ELK3: variants seen among roughly 807,000 people sequenced by gnomAD.
ELK3 encodes the protein ETS domain-containing protein Elk-3.
In ELK3, 10 loss-of-function variants were observed where a neutral mutation model predicts 28.9. The ratio of observed to expected loss-of-function variants is 0.35; its 90% CI spans 0.21 to 0.59. The LOEUF (loss-of-function observed/expected upper bound fraction) is 0.59, where lower values mean the gene tolerates loss of function less well. Among genes scored for constraint, ELK3 ranks in the 20% least tolerant of loss-of-function variants. The pLI is 0.82. For missense variants in ELK3, 463 were observed against 517.3 expected, an observed-to-expected ratio of 0.90 and a Z score of 1.02; for synonymous variants, 272 against 243.5, an observed-to-expected ratio of 1.12 and a Z score of -1.09.
rs147387509 is a variant in ELK3, at chr12:96,237,206, C to T, written c.208-9734C>T. ...GGCAGGGACATTAAACTCACTGCAG[C>T]GGTGGGTGGGGGAAGATTGCCTTGG... On this transcript the variant is annotated intron_variant, in intron 2 of 4. Coordinates refer to ENST00000228741, the MANE Select transcript of ELK3 (RefSeq NM_005230.4). Among the ~76,000 whole-genome samples the T allele has an allele frequency of 5.2e-3, 795 of 152,284 alleles. 5 individuals are homozygous for T. The highest frequency in any genetic ancestry group is 0.01 in the Middle Eastern group (3 of 294).
intron 1 of ELK3, among the ~76,000 whole-genome samples, chr12:96,203,890 G>A (rs1592668573): frequency 1.3e-5 from 2 of 152,286 alleles, no homozygotes. Flanking sequence ...TCAGTGAGCC[G>A]AGATTGTGCC....
intron 1 of ELK3, among the ~76,000 whole-genome samples, chr12:96,214,382 G>T (rs1951596017): frequency 6.6e-6 from 1 of 150,996 alleles, no homozygotes; most frequent in African/African-American, 2.4e-5. Flanking sequence ...AGTGAACCGA[G>T]ATCACACCAC....
chr12:96,199,536 G>A (rs1353913881), intron 1 of ELK3, among the ~76,000 whole-genome samples: 2 of 150,658 alleles, frequency 1.3e-5, no homozygotes, highest in Non-Finnish European at 3.0e-5. Flanking sequence ...AATTCTAAAT[G>A]TCTTCAAAAA....
At position 96,268,390 on chromosome 12, in the gene ELK3, A is replaced by T. The variant is rs1042121390; in HGVS notation, c.*1210A>T. 1 of 152,176 alleles carries T rather than the reference A, an allele frequency of 6.6e-6. No individual in the cohort carries two copies. Among genetic ancestry groups the T allele is most frequent in the African/African-American group, 2.4e-5 (1 of 41,436 alleles). 9.4% of individuals were successfully genotyped at this position (152,176 alleles called of 1,614,324 possible). A position where few individuals can be genotyped will look rare whatever the true frequency, so the allele number is the denominator to read the frequency against. ...CTGACAGATGAAAAATTCTACAGGA[A>T]CCTCATCATCGTGGAACTGAACTGA... On this transcript the variant is annotated 3_prime_UTR_variant, in exon 5 of 5. Coordinates refer to ENST00000228741, the MANE Select transcript of ELK3 (RefSeq NM_005230.4).
At position 96,247,484 on chromosome 12, in the gene ELK3, C is replaced by G; in HGVS notation, c.752C>G (p.Pro251Arg). 6.2e-7 allele frequency: 1 copy of G among 1,614,132 alleles called. No individual in the cohort carries two copies. The highest frequency in any genetic ancestry group is 8.5e-7 in the Non-Finnish European group (1 of 1,180,012). ...TCCCCGTCCCTGTCCCCCAACTCAC[C>G]CCTCCCTTCTGAACACAGAAGCCTC... ...SRSPSLSPNS[P>R]LPSEHRSLFL... The change falls in exon 3 of 5, where the codon CCC becomes CGC. Residue 251 changes from proline to arginine, a missense_variant. This residue lies in a region of ELK3 where 408 missense variants were observed against 414.8 expected (regional missense o/e 0.98). Coordinates refer to ENST00000228741, the MANE Select transcript of ELK3 (RefSeq NM_005230.4). This position sits in a 1 kb window ranked among gnomAD's most constrained non-coding sequence, Gnocchi z 5.5.
At chr12:96,250,537 TTGTCTTCCAGG>T (rs1366033398) in intron 3 of ELK3, among the ~76,000 whole-genome samples, 1 of 152,194 alleles carries the variant, frequency 6.6e-6, no homozygotes, top group Admixed American at 6.5e-5. Flanking sequence ...GCTCAGTAGT[TTGTCTTCCAGG>T]TGACAGCCAG....
At position 96,196,822 on chromosome 12, in the gene ELK3, C is replaced by A. The variant is rs372978514; in HGVS notation, c.-3+2117C>A. Among the ~76,000 whole-genome samples, 8 of 147,836 alleles carry A rather than the reference C, an allele frequency of 5.4e-5. No homozygotes were observed. The South Asian group carries it at 1.7e-3, about 31-fold the overall frequency. On this transcript the variant is annotated intron_variant, in intron 1 of 4. Transcript: ENST00000228741. ...CGTTACTAAAAAGGGTCAAAAGGAA[C>A]CTGATTGGAATGATGGGGCCCCTTT...
intron 1 of ELK3, among the ~76,000 whole-genome samples, chr12:96,209,809 T>A (rs1951564539): frequency 6.6e-6 from 1 of 152,208 alleles, no homozygotes; most frequent in South Asian, 2.1e-4. Context: ...AGAAGTCTTT[T>A]AGTTTGATAG....
At chr12:96,207,826 A>G (rs985841349) in intron 1 of ELK3, among the ~76,000 whole-genome samples, 5 of 152,232 alleles carry the variant, frequency 3.3e-5, no homozygotes, top group African/African-American at 1.2e-4. Flanking sequence ...AGAAAAGATG[A>G]ATAATGCAAT....
chr12:96,220,382 ATTTTT>A (rs35309478), intron 1 of ELK3, among the ~76,000 whole-genome samples: 2 of 100,342 alleles, frequency 2.0e-5, no homozygotes, highest in Admixed American at 2.5e-4. Flanking sequence ...CTTTTTCGTG[ATTTTT>A]TTTTTTTTTT....
At chr12:96,226,587 T>TCCACATGCACACACACATATGC (rs1313760680) in intron 2 of ELK3, among the ~76,000 whole-genome samples, 1 of 150,052 alleles carries the variant, frequency 6.7e-6, no homozygotes, top group Non-Finnish European at 1.5e-5. Context: ...CACACAGATG[T>TCCACATGCACACACACATATGC]CCACATGCAC....
In ELK3 at chr12:96,247,566, G is replaced by A. The variant is rs115218295; in HGVS notation, c.834G>A (p.Ser278=). ...CCCTGGAGCCCTTGAACCTGTCATC[G>A]GGCTCCAAGACCAAGTCTCCATCTC... is the stretch of plus-strand genomic sequence containing the variant. ...SDSLEPLNLS[S]GSKTKSPSLP... Residue 278 remains serine (S), a synonymous_variant, in exon 3 of 5, where the codon TCG becomes TCA. Coordinates refer to ENST00000228741, the MANE Select transcript of ELK3 (RefSeq NM_005230.4). The surrounding 1 kb of genome is among the most constrained non-coding windows in gnomAD (Gnocchi z 5.5). 1.5e-3 allele frequency: 2,391 copies of A among 1,613,896 alleles called. 24 individuals are homozygous for A. In the African/African-American group the frequency reaches 0.026, roughly 17 times the overall value.
chr12:96,243,733 A>G (rs1951837335), intron 2 of ELK3, among the ~76,000 whole-genome samples: 1 of 151,858 alleles, frequency 6.6e-6, no homozygotes, highest in Non-Finnish European at 1.5e-5. Context: ...AGTCCCAGCT[A>G]CTCAGAGGCT....
chr12:96,202,435 C>T (rs1343352122), intron 1 of ELK3, among the ~76,000 whole-genome samples: 1 of 152,042 alleles, frequency 6.6e-6, no homozygotes, highest in African/African-American at 2.4e-5. Flanking sequence ...CTCAGCTCCA[C>T]CATGTTTTAT....
intron 3 of ELK3, among the ~76,000 whole-genome samples, chr12:96,259,415 G>A (rs1455281188): frequency 6.6e-6 from 1 of 151,932 alleles, no homozygotes. Flanking sequence ...AGTCGGTGGT[G>A]GGTGCCTGTA....
At chr12:96,243,443 T>G (rs74564892) in intron 2 of ELK3, among the ~76,000 whole-genome samples, 1,534 of 152,296 alleles carry the variant, frequency 0.01, 47 homozygotes, top group Admixed American at 0.061. Flanking sequence ...GAATAGAATA[T>G]TCTATTCTAT....
At chr12:96,260,879 A>G (rs936830672) in intron 4 of ELK3, among the ~76,000 whole-genome samples, 2 of 152,118 alleles carry the variant, frequency 1.3e-5, no homozygotes, top group Non-Finnish European at 2.9e-5. Flanking sequence ...GGCACTTTGT[A>G]TTATGATTGC....
At chr12:96,251,445 A>T (rs1373316657) in intron 3 of ELK3, among the ~76,000 whole-genome samples, 5 of 152,196 alleles carry the variant, frequency 3.3e-5, no homozygotes, top group Admixed American at 3.3e-4. Flanking sequence ...AAAGTGTTCA[A>T]GAGAAAGGAA....
chr12:96,227,088 AG>A (rs1190840709), intron 2 of ELK3, among the ~76,000 whole-genome samples: 4 of 152,120 alleles, frequency 2.6e-5, no homozygotes, highest in Admixed American at 2.6e-4. Context: ...CTCTTGCTTG[AG>A]AGACAGATTG....
Sources: allele counts gnomAD v4.1 joint callset (sites outside exome capture counted in the v4.1 genomes callset), GRCh38; gene constraint gnomAD v4.1.1; regional missense constraint gnomAD v4.1.1; non-coding constraint Gnocchi (gnomAD v3.1); transcripts MANE v1.5; gene names NCBI Gene and HGNC (gene_info 2026-07-23, HGNC 2026-07-21).